EXOC4: variants seen among roughly 807,000 people sequenced by gnomAD.
EXOC4 encodes SEC8-like 1.
Under a neutral mutation model 107.2 loss-of-function variants are expected in EXOC4, and 71 were observed. The ratio of observed to expected loss-of-function variants is 0.66; its 90% confidence interval spans 0.55 to 0.81. The LOEUF (loss-of-function observed/expected upper bound fraction) is 0.81. Ranked by LOEUF, EXOC4 falls within the 30% of genes least tolerant of loss-of-function variation. The pLI is 0.00. For missense variants in EXOC4, 1,108 were observed against 1,189.6 expected (o/e 0.93, Z 1.01); for synonymous variants, 456 against 441.2 (o/e 1.03, Z -0.42).
chr7:134,033,024 T>C (rs990725077), intron 17 of EXOC4, among the ~76,000 whole-genome samples: 2 of 152,104 alleles, frequency 1.3e-5, no homozygotes, highest in African/African-American at 4.8e-5. Flanking sequence ...TGAGAAAGAA[T>C]AGGAGGATTT....
intron 17 of EXOC4, among the ~76,000 whole-genome samples, chr7:134,047,247 G>C (rs1420709138): frequency 6.6e-6 from 1 of 152,038 alleles, no homozygotes; most frequent in Non-Finnish European, 1.5e-5. Context: ...CTTTCTGAGA[G>C]GTTTTTTCAA....
chr7:133,793,469 G>T (rs1453622332), intron 10 of EXOC4, among the ~76,000 whole-genome samples: 2 of 152,126 alleles, frequency 1.3e-5, no homozygotes, highest in Non-Finnish European at 2.9e-5. Context: ...CTTTTGGTTT[G>T]TATGTTCCTT....
At position 133,347,753 on chromosome 7, in the gene EXOC4, A is replaced by T. The variant is rs974091088; in HGVS notation, c.764-8577A>T. ...ATACATACAATGTGTGTGTGTGTGT[A>T]GGGGGCTGTGATCACAAGCACTTGG... On this transcript the variant is annotated intron_variant, in intron 5 of 17. Transcript: ENST00000253861. Among the ~76,000 whole-genome samples the T allele has an allele frequency of 1.4e-4, 21 of 152,224 alleles. No individual in the cohort carries two copies. In the South Asian group the frequency reaches 4.1e-3, roughly 30 times the overall value.
chr7:133,779,625 G>A (rs1183227216), intron 10 of EXOC4, among the ~76,000 whole-genome samples: 1 of 152,184 alleles, frequency 6.6e-6, no homozygotes, highest in Non-Finnish European at 1.5e-5. Flanking sequence ...TCAGTGCTCT[G>A]TAAAAATGCT....
At chr7:133,613,318 A>T (rs1802115846) in intron 9 of EXOC4, among the ~76,000 whole-genome samples, 1 of 152,174 alleles carries the variant, frequency 6.6e-6, no homozygotes, top group South Asian at 2.1e-4. Context: ...TGCATACTGT[A>T]CTATTGCAGC....
chr7:134,021,722 G>GAAAAAAA (rs60762484), intron 17 of EXOC4, among the ~76,000 whole-genome samples: 7 of 53,736 alleles, frequency 1.3e-4, no homozygotes, highest in Admixed American at 4.3e-4. Flanking sequence ...AGTCAAACCA[G>GAAAAAAA]AAAAAAAAAA....
chr7:133,760,114 G>T (rs1796002411), intron 10 of EXOC4, among the ~76,000 whole-genome samples: 6 of 152,162 alleles, frequency 3.9e-5, no homozygotes. Flanking sequence ...CGTGTAATCA[G>T]GCTACTCTCT....
chr7:133,473,584 C>CA (rs1345537371), intron 7 of EXOC4, among the ~76,000 whole-genome samples: 1 of 152,110 alleles, frequency 6.6e-6, no homozygotes, highest in African/African-American at 2.4e-5. Context: ...ATTGGTATAG[C>CA]AAATCCTACT....
intron 9 of EXOC4, among the ~76,000 whole-genome samples, chr7:133,565,206 C>T (rs1240539556): frequency 2.0e-5 from 3 of 152,084 alleles, no homozygotes; most frequent in South Asian, 4.1e-4. Flanking sequence ...GTGGTGGGCT[C>T]GATAGGGAAG....
rs1797392659 is a variant in EXOC4, at chr7:133,817,197, A to T, written c.1515-128A>T. On this transcript the variant is annotated intron_variant, in intron 10 of 17. Transcript: ENST00000253861. ...TTACAAGATTAAAAATTATATAGAG[A>T]TGAGTATTATTGATGACCTGCCCTC... 1.1e-5 allele frequency: 7 copies of T among 614,364 alleles called. No homozygotes were observed. In the South Asian group the frequency reaches 1.5e-4, roughly 13 times the overall value. 38.1% of individuals were successfully genotyped at this position (614,364 alleles called of 1,614,324 possible).
At chr7:133,802,199 T>C (rs1454522033) in intron 10 of EXOC4, among the ~76,000 whole-genome samples, 3 of 152,212 alleles carry the variant, frequency 2.0e-5, no homozygotes, top group Non-Finnish European at 4.4e-5. Flanking sequence ...AGCTTGAGAA[T>C]AGTGTGACCT....
intron 1 of EXOC4, among the ~76,000 whole-genome samples, chr7:133,272,854 G>A (rs1190179798): frequency 6.6e-6 from 1 of 152,176 alleles, no homozygotes; most frequent in Admixed American, 6.5e-5. Flanking sequence ...CCAGTAATGT[G>A]TTAACAGTGA....
rs184833620 is a variant in EXOC4, at chr7:133,911,996, A to G, written c.1872-5587A>G. ...AGATTCTTTCTAGATATGAATGGTG[A>G]AATTGAAATTTTGTATAATTTCCAC... On this transcript the variant is annotated intron_variant, in intron 12 of 17. Transcript: ENST00000253861. 8.5e-5 allele frequency among the ~76,000 whole-genome samples: 13 copies of G among 152,360 alleles called. No individual in the cohort carries two copies. The East Asian group carries it at 2.3e-3, about 27-fold the overall frequency.
chr7:133,507,392 A>G (rs758885070), intron 9 of EXOC4, among the ~76,000 whole-genome samples: 13 of 152,348 alleles, frequency 8.5e-5, no homozygotes, highest in East Asian at 3.9e-4. Context: ...ATAAACTGTC[A>G]GCATCATAGT....
intron 5 of EXOC4, among the ~76,000 whole-genome samples, chr7:133,344,652 C>T (rs964676143): frequency 1.3e-5 from 2 of 152,180 alleles, no homozygotes; most frequent in African/African-American, 2.4e-5. Flanking sequence ...CCAGAAGCTA[C>T]GTGTTTCAAA....
At chr7:133,522,754 A>G (rs1800004210) in intron 9 of EXOC4, among the ~76,000 whole-genome samples, 1 of 152,164 alleles carries the variant, frequency 6.6e-6, no homozygotes, top group Non-Finnish European at 1.5e-5. Flanking sequence ...AGCATTTTAA[A>G]TGCACAAAAT....
intron 7 of EXOC4, among the ~76,000 whole-genome samples, chr7:133,410,140 A>T (rs139575827): frequency 5.3e-4 from 81 of 152,136 alleles, no homozygotes; most frequent in African/African-American, 1.8e-3. Context: ...GAGCCAATAC[A>T]CAGTTTTGAA....
At chr7:133,254,173 A>G (rs1325128630) in intron 1 of EXOC4, among the ~76,000 whole-genome samples, 4 of 152,214 alleles carry the variant, frequency 2.6e-5, no homozygotes, top group East Asian at 3.8e-4. Context: ...AAGCACTTCA[A>G]TGAATGCATG....
chr7:133,987,336 C>T (rs1288228190), intron 14 of EXOC4, among the ~76,000 whole-genome samples: 1 of 96,050 alleles, frequency 1.0e-5, no homozygotes, highest in Admixed American at 1.2e-4. Context: ...GTGGTGCTCA[C>T]CTGTAATCCC....
Sources: gnomAD v4.1 joint callset for allele counts (sites outside exome capture counted in the v4.1 genomes callset) on GRCh38, gnomAD v4.1.1 for gene constraint, MANE v1.5 for transcripts, NCBI Gene and HGNC (gene_info 2026-07-23, HGNC 2026-07-21) for gene names.